The following MAK variants were observed in gnomAD, a reference collection of about 807,000 sequenced individuals.
MAK encodes the protein male germ cell associated kinase.
Under a neutral mutation model 82.6 loss-of-function variants are expected in MAK, and 65 were observed. The observed-to-expected ratio is 0.79, with a 90% CI of 0.64 to 0.97. The LOEUF (loss-of-function observed/expected upper bound fraction) is 0.97. Among genes scored for constraint, MAK ranks in the 50% least tolerant of loss-of-function variants. MAK has a pLI of 0.00. For synonymous variants in MAK, 250 were observed against 274.2 expected (o/e 0.91, Z 0.87); for missense variants, 703 against 780.2 (o/e 0.90, Z 1.18).
intron 3 of MAK, among the ~76,000 whole-genome samples, 157 bp downstream of exon 3, chr6:10,818,729 C>G (rs1291794384): frequency 6.6e-6 from 1 of 151,856 alleles, no homozygotes; most frequent in Non-Finnish European, 1.5e-5. Context: ...CCACTGACAT[C>G]AGAACCAGAA....
At chr6:10,813,781 G>C in intron 4 of MAK, 58 bp from the exon 5 acceptor site, 1 of 964,552 alleles carries the variant, frequency 1.0e-6, no homozygotes, top group Non-Finnish European at 1.7e-6. Context: ...CCAATCCAAA[G>C]AAGGTTTATA....
At chr6:10,823,459 T>G (rs1371601606) in intron 2 of MAK, among the ~76,000 whole-genome samples, 2 of 152,220 alleles carry the variant, frequency 1.3e-5, no homozygotes, top group African/African-American at 4.8e-5. Context: ...ACATGTTTAC[T>G]GCCCACTCTG....
At position 10,773,079 on chromosome 6, in the gene MAK, G is replaced by C. The variant is rs1461808940; in HGVS notation, c.1627C>G (p.Leu543Val). 3 of 1,529,336 alleles carry C rather than the reference G, an allele frequency of 2.0e-6. No homozygotes were observed. Among genetic ancestry groups the C allele is most frequent in the Admixed American group, 3.9e-5 (2 of 50,854 alleles). The allele number at this position is 1,529,336 out of a possible 1,614,324, so 94.7% of individuals were successfully genotyped here. Residue 543 changes from leucine to valine, a missense_variant, in exon 13 of 15, where the codon CTA becomes GTA. By Grantham distance (32) the Leu-to-Val change is conservative. Transcript: ENST00000354489. ...EESIIKPIEK[L>V]SCNETFPEKL... ...TCAGGAAAAGTTTCATTGCATGATA[G>C]TTTTTCGATTGGTTTAATTATGCTT... is the stretch of plus-strand genomic sequence containing the variant.
intron 10 of MAK, among the ~76,000 whole-genome samples, chr6:10,786,543 A>G (rs1255379777): frequency 7.7e-6 from 1 of 129,040 alleles, no homozygotes. Context: ...CCTCCTATTC[A>G]CCACTCCACT....
rs1244196383 is a variant in MAK, at chr6:10,776,953, A to AGGG, written c.1466-1495_1466-1494insCCC. On this transcript the variant is annotated intron_variant, in intron 11 of 14. Transcript: ENST00000354489. This position sits in a 1 kb window ranked among gnomAD's most constrained non-coding sequence, Gnocchi z 4.3. ...CACAAAAATTAGCCAGGCATGAGACAGGAGAATCGCTTGAACCTGGGAGGC... is the reference window on the plus strand; with the variant it reads ...CACAAAAATTAGCCAGGCATGAGACAGGGGGAGAATCGCTTGAACCTGGGAGGC... 6.6e-6 allele frequency among the ~76,000 whole-genome samples: 1 copy of AGGG among 151,750 alleles called. No homozygotes were observed. The highest frequency in any genetic ancestry group is 2.4e-5 in the African/African-American group (1 of 41,334).
chr6:10,766,971 A>G (rs1772498913), intron 14 of MAK, among the ~76,000 whole-genome samples: 1 of 152,214 alleles, frequency 6.6e-6, no homozygotes, highest in African/African-American at 2.4e-5. Context: ...TCCTAGATAT[A>G]CTAGAATTTC....
At chr6:10,787,168 TGTTC>T (rs1471847697) in intron 10 of MAK, among the ~76,000 whole-genome samples, 13 of 150,636 alleles carry the variant, frequency 8.6e-5, no homozygotes, top group East Asian at 3.9e-4. Flanking sequence ...GTTCACCTCC[TGTTC>T]ACCACTCCGC....
At chr6:10,784,800 A>C (rs906059866) in intron 10 of MAK, 8 of 663,404 alleles carry the variant, frequency 1.2e-5, no homozygotes, top group Non-Finnish European at 2.2e-5. Flanking sequence ...AGGAACCTTT[A>C]TAACTGAGCA....
intron 11 of MAK, among the ~76,000 whole-genome samples, 166 bp downstream of exon 11, chr6:10,784,258 G>C (rs1774304024): frequency 6.6e-6 from 1 of 152,150 alleles, no homozygotes. Context: ...ACTAGTGGTA[G>C]AAACAGGAGG....
rs556081784 is a variant in MAK, at chr6:10,778,992, G to A, written c.1466-3533C>T. ...AAAATACAAAAATTAGCTGGGCATGGTGGCGTGTGCCTGTAGTCCCAGCTA... is the reference window on the plus strand; with the variant it reads ...AAAATACAAAAATTAGCTGGGCATGATGGCGTGTGCCTGTAGTCCCAGCTA... On this transcript the variant is annotated intron_variant, in intron 11 of 14. Transcript: ENST00000354489. Among the ~76,000 whole-genome samples the A allele has an allele frequency of 2.0e-5, 3 of 152,020 alleles. No homozygotes were observed. The South Asian group carries it at 6.2e-4, about 32-fold the overall frequency.
intron 4 of MAK, among the ~76,000 whole-genome samples, chr6:10,815,912 G>GTGTGTGTATATATATATATATA (rs1554184483): frequency 2.3e-3 from 248 of 108,114 alleles, no homozygotes; most frequent in Middle Eastern, 5.3e-3. Context: ...GCTTTATACA[G>GTGTGTGTATATATATATATATA]TATATATATA....
chr6:10,818,834 C>T, intron 3 of MAK, 52 bp downstream of exon 3: 1 of 933,570 alleles, frequency 1.1e-6, no homozygotes, highest in South Asian at 1.3e-5. Context: ...TAACTACGGT[C>T]CTCAGGTAGT....
intron 1 of MAK, among the ~76,000 whole-genome samples, chr6:10,835,224 C>T (rs1204186910): frequency 6.6e-6 from 1 of 152,136 alleles, no homozygotes; most frequent in African/African-American, 2.4e-5. Flanking sequence ...CTTTGCAAAC[C>T]CCTGGCCTTC....
chr6:10,791,032 C>G (rs1382951431), intron 10 of MAK, among the ~76,000 whole-genome samples: 2 of 152,134 alleles, frequency 1.3e-5, no homozygotes. Context: ...AAGCCCTCAC[C>G]AGAAGCACAT....
chr6:10,809,022 T>G, intron 5 of MAK, 80 bp from the exon 6 acceptor site: 1 of 1,204,560 alleles, frequency 8.3e-7, no homozygotes, highest in African/African-American at 1.5e-5. Flanking sequence ...AAACAAAATA[T>G]AAATGAACCC....
intron 11 of MAK, among the ~76,000 whole-genome samples, chr6:10,779,142 A>G (rs1213703404): frequency 1.3e-5 from 2 of 150,672 alleles, no homozygotes; most frequent in African/African-American, 4.9e-5. Flanking sequence ...AAAAAAAAAA[A>G]AAAAAAAAAA....
At position 10,764,579 on chromosome 6, in the gene MAK, C is replaced by T. The variant is rs368535018; in HGVS notation, c.1820G>A (p.Arg607Gln). 2.5e-5 allele frequency: 41 copies of T among 1,613,808 alleles called. No homozygotes were observed. In the African/African-American group the frequency reaches 4.7e-4, roughly 18 times the overall value. ...ATAAGTACGTCCTGAAAACTGCCCC[C>T]GACCAGTTTTTGTGTTCCAGGTATA... ...SEYTWNTKTG[R>Q]GQFSGRTYNP... The change falls in exon 15 of 15, where the codon CGG becomes CAG. Residue 607 changes from arginine (R) to glutamine (Q), a missense_variant. By Grantham distance (43) the Arg-to-Gln change is conservative. Transcript: ENST00000354489.
chr6:10,797,614 A>G, intron 8 of MAK: 1 of 985,448 alleles, frequency 1.0e-6, no homozygotes, highest in African/African-American at 1.7e-5. Context: ...GGCATCAAAT[A>G]CCTGGGCAAA....
intron 10 of MAK, 87 bp from the exon 11 acceptor site, chr6:10,784,659 A>C: frequency 8.2e-7 from 1 of 1,217,360 alleles, no homozygotes; most frequent in Admixed American, 1.7e-5. Flanking sequence ...CCCTCTGCAC[A>C]TCTTCCTAAG....
Sources: gnomAD v4.1 joint callset for allele counts (sites outside exome capture counted in the v4.1 genomes callset) on GRCh38, gnomAD v4.1.1 for gene constraint, Gnocchi (gnomAD v3.1) non-coding constraint, MANE v1.5 for transcripts, NCBI Gene and HGNC (gene_info 2026-07-23, HGNC 2026-07-21) for gene names.